Variants in NSFL1C observed in about 807,000 individuals in gnomAD.
NSFL1C encodes the protein NSFL1 cofactor p47.
NSFL1C carries 14 observed loss-of-function variants against 43.1 expected under a neutral mutation model. The observed-to-expected ratio is 0.32, with a 90% CI of 0.21 to 0.51. The LOEUF (loss-of-function observed/expected upper bound fraction) is 0.51. NSFL1C is among the 20% of genes least tolerant of loss of function. NSFL1C has a pLI of 0.98. For missense variants in NSFL1C, 406 were observed against 472.5 expected, an observed-to-expected ratio of 0.86 and a Z score of 1.30; for synonymous variants, 171 against 183.5, an observed-to-expected ratio of 0.93 and a Z score of 0.55.
intron 1 of NSFL1C, among the ~76,000 whole-genome samples, chr20:1,465,708 T>C (rs1044595019): frequency 4.6e-5 from 7 of 152,230 alleles, no homozygotes; most frequent in Non-Finnish European, 8.8e-5. Flanking sequence ...GTCTAGTCTT[T>C]ACCTCATAGT....
At chr20:1,444,982 G>A (rs572892160) in intron 8 of NSFL1C, among the ~76,000 whole-genome samples, 2 of 152,220 alleles carry the variant, frequency 1.3e-5, no homozygotes, top group Non-Finnish European at 2.9e-5. Context: ...GATCCCACAT[G>A]TGGGTGCTGG....
chr20:1,449,021 C>T (rs984622654), intron 7 of NSFL1C, among the ~76,000 whole-genome samples: 4 of 152,154 alleles, frequency 2.6e-5, no homozygotes, highest in African/African-American at 9.7e-5. Context: ...AAAGTACAAA[C>T]AAATGTCTAT....
At position 1,458,016 on chromosome 20, in the gene NSFL1C, A is replaced by G. The variant is rs568620791; in HGVS notation, c.278+184T>C. On this transcript the variant is annotated intron_variant, in intron 3 of 8. Coordinates refer to ENST00000216879, the MANE Select transcript of NSFL1C (RefSeq NM_016143.5). ...CAATAAATACATTAAGTAACGGAAC[A>G]GGGGTCACTTCTAAGCTACAAGGAG... 133 of 519,926 alleles carry G rather than the reference A, an allele frequency of 2.6e-4. 2 individuals are homozygous for G. The South Asian group carries it at 3.4e-3, about 13-fold the overall frequency. The allele number at this position is 519,926 out of a possible 1,614,324, so 32.2% of individuals were successfully genotyped here. A position where few individuals can be genotyped will look rare whatever the true frequency, so the allele number is the denominator to read the frequency against.
At chr20:1,455,549 C>A (rs2090279875) in intron 3 of NSFL1C, among the ~76,000 whole-genome samples, 1 of 152,188 alleles carries the variant, frequency 6.6e-6, no homozygotes, top group Non-Finnish European at 1.5e-5. Context: ...GAAGTAGCTA[C>A]CACTAGTGAC....
At chr20:1,444,705 C>T (rs2090021629) in intron 8 of NSFL1C, among the ~76,000 whole-genome samples, 1 of 152,220 alleles carries the variant, frequency 6.6e-6, no homozygotes, top group Non-Finnish European at 1.5e-5. Flanking sequence ...AGCTTTTTCA[C>T]CTAGCAAAGC....
chr20:1,451,841 C>T (rs1386463823), intron 7 of NSFL1C, among the ~76,000 whole-genome samples: 1 of 152,154 alleles, frequency 6.6e-6, no homozygotes, highest in Non-Finnish European at 1.5e-5. Context: ...AGTGAGAAGG[C>T]AGTAGCAGAG....
At chr20:1,453,880 G>C (rs2090237368) in intron 5 of NSFL1C, among the ~76,000 whole-genome samples, 1 of 152,052 alleles carries the variant, frequency 6.6e-6, no homozygotes, top group South Asian at 2.1e-4. Flanking sequence ...CTTCTCTGGT[G>C]GTCTGAAGAC....
chr20:1,453,401 C>A lies in NSFL1C; in HGVS notation c.538-261G>T, dbSNP rs369870178. Among the ~76,000 whole-genome samples the A allele has an allele frequency of 4.6e-5, 7 of 152,324 alleles. No homozygotes were observed. The South Asian group carries it at 1.5e-3, about 32-fold the overall frequency. On this transcript the variant is annotated intron_variant, in intron 5 of 8. Transcript: ENST00000216879. ...GAGGTTGCATCTTGACTGTGCCACT[C>A]ACTAGCTATATGGCTCTGGGCAGGT...
chr20:1,465,753 T>G (rs1387080099), intron 1 of NSFL1C, among the ~76,000 whole-genome samples: 1 of 152,200 alleles, frequency 6.6e-6, no homozygotes, highest in African/African-American at 2.4e-5. Flanking sequence ...TTATGTAAAG[T>G]GCTTGGCACA....
intron 8 of NSFL1C, among the ~76,000 whole-genome samples, chr20:1,444,791 T>C (rs965522396): frequency 6.6e-6 from 1 of 152,002 alleles, no homozygotes; most frequent in Non-Finnish European, 1.5e-5. Flanking sequence ...CTGAGACAAA[T>C]AACTCACATC....
At chr20:1,452,733 C>T (rs1181874830) in intron 6 of NSFL1C, 103 bp from the exon 7 acceptor site, 19 of 1,445,628 alleles carry the variant, frequency 1.3e-5, no homozygotes, top group Non-Finnish European at 1.8e-5. Context: ...TGAAAAATCG[C>T]TGGGCCTCCA....
chr20:1,450,201 C>T (rs559223437), intron 7 of NSFL1C, among the ~76,000 whole-genome samples: 1 of 152,088 alleles, frequency 6.6e-6, no homozygotes, highest in South Asian at 2.1e-4. Flanking sequence ...AAGAAAAGTT[C>T]AAGACTTTTG....
At chr20:1,453,235 C>T in intron 5 of NSFL1C, 95 bp from the exon 6 acceptor site, 2 of 741,228 alleles carry the variant, frequency 2.7e-6, no homozygotes, top group South Asian at 1.5e-5. Context: ...CTCAGTGTTG[C>T]TACTATTAAA....
intron 2 of NSFL1C, among the ~76,000 whole-genome samples, chr20:1,460,584 T>C (rs2090389806): frequency 1.3e-5 from 2 of 152,238 alleles, no homozygotes; most frequent in South Asian, 4.1e-4. Context: ...TCTGGCATAC[T>C]GAAGTGGCAC....
At chr20:1,459,200 T>C (rs955919955) in intron 2 of NSFL1C, among the ~76,000 whole-genome samples, 18 of 152,148 alleles carry the variant, frequency 1.2e-4, no homozygotes, top group Admixed American at 9.8e-4. Context: ...TGAATTGTAA[T>C]TCCCAGTGTT....
intron 1 of NSFL1C, among the ~76,000 whole-genome samples, chr20:1,465,975 T>C (rs2090501392): frequency 6.6e-6 from 1 of 152,220 alleles, no homozygotes; most frequent in Admixed American, 6.5e-5. Context: ...ATATTAGTCA[T>C]CACCGTCATC....
At chr20:1,444,049 GACCAAGTCCCTTCCT>G in intron 8 of NSFL1C, 138 bp from the exon 9 acceptor site, 1 of 875,170 alleles carries the variant, frequency 1.1e-6, no homozygotes, top group East Asian at 2.7e-5. Context: ...AGGCATGTGG[GACCAAGTCCCTTCCT>G]TGCCAAGAGT....
At chr20:1,458,524 C>T (rs1026635895) in intron 2 of NSFL1C, among the ~76,000 whole-genome samples, 4 of 152,088 alleles carry the variant, frequency 2.6e-5, no homozygotes, top group Admixed American at 2.6e-4. Context: ...CCAATTTAAG[C>T]TGCCCTGGCT....
chr20:1,450,448 C>T (rs2090160219), intron 7 of NSFL1C, among the ~76,000 whole-genome samples: 1 of 152,090 alleles, frequency 6.6e-6, no homozygotes, highest in Non-Finnish European at 1.5e-5. Context: ...ATATCAAGTT[C>T]TATCTTGTGC....
Sources: allele counts gnomAD v4.1 joint callset (sites outside exome capture counted in the v4.1 genomes callset), GRCh38; gene constraint gnomAD v4.1.1; transcripts MANE v1.5; gene names NCBI Gene and HGNC (gene_info 2026-07-23, HGNC 2026-07-21).